Variants in WWC2 observed in about 807,000 individuals in gnomAD.
WWC2 encodes the protein protein WWC2.
Under a neutral mutation model 138.5 loss-of-function variants are expected in WWC2, and 101 were observed. The observed-to-expected ratio is 0.73, with a 90% CI of 0.62 to 0.86. The LOEUF is 0.86. WWC2 is among the 40% of genes least tolerant of loss of function. WWC2 has a pLI of 0.00. For missense variants in WWC2, 1,420 were observed against 1,419.4 expected, an observed-to-expected ratio of 1.00 and a Z score of -0.01; for synonymous variants, 558 against 538.4, an observed-to-expected ratio of 1.04 and a Z score of -0.50.
intron 1 of WWC2, among the ~76,000 whole-genome samples, chr4:183,188,600 CTCTCTCTA>C (rs1038160387): frequency 6.7e-6 from 1 of 149,488 alleles, no homozygotes; most frequent in African/African-American, 2.5e-5. Flanking sequence ...TATGATCTCT[CTCTCTCTA>C]TCTAATATGA....
rs1363743993 is a variant in WWC2, at chr4:183,260,956, T to C, written c.1333T>C (p.Ser445Pro). Reference sequence around the variant, plus strand: ...CATGTCATCTGGGAGCAGCCTGGGTTCCCTGGCATCGAGTCGGGGCTCTCT... The same window carrying C: ...CATGTCATCTGGGAGCAGCCTGGGTCCCCTGGCATCGAGTCGGGGCTCTCT... ...LSMSSGSSLG[S>P]LASSRGSLNT... Residue 445 changes from serine to proline, a missense_variant, in exon 11 of 23, where the codon TCC (serine) becomes CCC (proline). Physicochemically the swap from Ser to Pro is moderately conservative, Grantham distance 74. Coordinates refer to ENST00000403733, the MANE Select transcript of WWC2 (RefSeq NM_024949.6). 2.5e-6 allele frequency: 4 copies of C among 1,613,806 alleles called. No individual in the cohort carries two copies. The highest frequency in any genetic ancestry group is 3.4e-6 in the Non-Finnish European group (4 of 1,179,866).
At chr4:183,138,358 CA>C (rs1733186096) in intron 1 of WWC2, among the ~76,000 whole-genome samples, 1 of 151,958 alleles carries the variant, frequency 6.6e-6, no homozygotes. Context: ...TCACTTTGGT[CA>C]AACTCTTGAG....
intron 1 of WWC2, among the ~76,000 whole-genome samples, chr4:183,163,124 A>G (rs978937331): frequency 6.6e-6 from 1 of 152,228 alleles, no homozygotes; most frequent in Non-Finnish European, 1.5e-5. Flanking sequence ...AAAAACTGGA[A>G]CTATTAAAAA....
Position 183,099,433 on chromosome 4 carries a change from C to T in WWC2, c.-59C>T, listed in dbSNP as rs1743083954. The T allele has an allele frequency of 1.0e-5, 12 of 1,197,708 alleles. No homozygotes were observed. The highest frequency in any genetic ancestry group is 7.5e-5 in the East Asian group (2 of 26,692). The allele number at this position is 1,197,708 out of a possible 1,614,324, so 74.2% of individuals were successfully genotyped here. A position where few individuals can be genotyped will look rare whatever the true frequency, so the allele number is the denominator to read the frequency against. On this transcript the variant is annotated 5_prime_UTR_variant, in exon 1 of 23. Transcript: ENST00000403733. ...GCAGCCTAGCCCGGCAGCCGCGTTC[C>T]CGCCGCGTCCCGCGCCCGGTACCTA...
chr4:183,192,497 C>T (rs987160599), intron 1 of WWC2, among the ~76,000 whole-genome samples: 16 of 152,168 alleles, frequency 1.1e-4, no homozygotes, highest in African/African-American at 3.9e-4. Flanking sequence ...TTCCTTTCAT[C>T]TACTGGTGTT....
chr4:183,279,135 T>G (rs1737976294), intron 16 of WWC2, among the ~76,000 whole-genome samples: 2 of 152,140 alleles, frequency 1.3e-5, no homozygotes, highest in Admixed American at 6.5e-5. Flanking sequence ...TAGCTCTTAT[T>G]TTGAAATATG....
intron 9 of WWC2, among the ~76,000 whole-genome samples, chr4:183,257,007 C>T (rs886570184): frequency 6.6e-6 from 1 of 150,938 alleles, no homozygotes; most frequent in Non-Finnish European, 1.5e-5. Context: ...CATGGTGAAG[C>T]ATTGCCAGGC....
At chr4:183,194,728 A>C (rs1258041985) in intron 2 of WWC2, among the ~76,000 whole-genome samples, 1 of 152,220 alleles carries the variant, frequency 6.6e-6, no homozygotes, top group Admixed American at 6.5e-5. Context: ...ACCATCTTCC[A>C]GGCGGGTGAG....
chr4:183,306,716 G>A (rs923634687), intron 21 of WWC2, among the ~76,000 whole-genome samples: 1 of 151,836 alleles, frequency 6.6e-6, no homozygotes, highest in Non-Finnish European at 1.5e-5. Context: ...TAGTAGAGAC[G>A]GGGTTTTGCC....
intron 21 of WWC2, among the ~76,000 whole-genome samples, chr4:183,303,033 C>T (rs1223789511): frequency 6.9e-6 from 1 of 144,952 alleles, no homozygotes; most frequent in Non-Finnish European, 1.5e-5. Flanking sequence ...TGCACTCCAG[C>T]CTGGGTGACA....
intron 1 of WWC2, among the ~76,000 whole-genome samples, chr4:183,135,162 A>C (rs1242937084): frequency 6.6e-6 from 1 of 151,940 alleles, no homozygotes; most frequent in African/African-American, 2.4e-5. Context: ...CAGGTGATCC[A>C]CCCACCTAGA....
At position 183,099,615 on chromosome 4, in the gene WWC2, C is replaced by G. The variant is rs1453270147; in HGVS notation, c.124C>G (p.Arg42Gly). The change falls in exon 1 of 23, where the codon CGG becomes GGG. Residue 42 changes from arginine (R) to glycine (G), a missense_variant. Transcript: ENST00000403733. ...NTRRTSWIDPRDRLTKPLSFA... is the reference protein window; with the variant it reads ...NTRRTSWIDPGDRLTKPLSFA... ...CAGGAGGACCAGCTGGATCGACCCCCGGGACAGGTGGGCGCCGGCCGCGGG... is the reference window on the plus strand; with the variant it reads ...CAGGAGGACCAGCTGGATCGACCCCGGGGACAGGTGGGCGCCGGCCGCGGG... 1.2e-5 allele frequency: 16 copies of G among 1,360,504 alleles called. No individual in the cohort carries two copies. The highest frequency in any genetic ancestry group is 2.6e-5 in the Admixed American group (1 of 39,138). 84.3% of individuals were successfully genotyped at this position (1,360,504 alleles called of 1,614,324 possible).
chr4:183,288,735 G>A (rs1444676383), intron 20 of WWC2, among the ~76,000 whole-genome samples: 1 of 152,212 alleles, frequency 6.6e-6, no homozygotes, highest in Non-Finnish European at 1.5e-5. Flanking sequence ...CCCCTGGGAA[G>A]AGCCATGGTG....
intron 21 of WWC2, among the ~76,000 whole-genome samples, chr4:183,292,228 A>G (rs1437035966): frequency 1.3e-5 from 2 of 151,998 alleles, no homozygotes; most frequent in South Asian, 2.1e-4. Flanking sequence ...TAAATAAATA[A>G]TAAATGCATA....
chr4:183,127,596 T>C (rs180809228), intron 1 of WWC2, among the ~76,000 whole-genome samples: 28 of 152,276 alleles, frequency 1.8e-4, no homozygotes, highest in Non-Finnish European at 3.2e-4. Flanking sequence ...TTAATTATAG[T>C]GCATTATATT....
At chr4:183,166,510 C>G (rs1734134601) in intron 1 of WWC2, among the ~76,000 whole-genome samples, 1 of 152,144 alleles carries the variant, frequency 6.6e-6, no homozygotes, top group Admixed American at 6.5e-5. Flanking sequence ...TATTTTTTGC[C>G]TATAAAGGAG....
At chr4:183,266,888 T>A (rs1737520836) in intron 14 of WWC2, among the ~76,000 whole-genome samples, 1 of 151,950 alleles carries the variant, frequency 6.6e-6, no homozygotes, top group Non-Finnish European at 1.5e-5. Flanking sequence ...AATTAAAGAG[T>A]TCTGCATGTT....
At chr4:183,256,386 T>G (rs1015264005) in intron 9 of WWC2, among the ~76,000 whole-genome samples, 9 of 152,194 alleles carry the variant, frequency 5.9e-5, no homozygotes, top group Non-Finnish European at 8.8e-5. Flanking sequence ...AGATACAACC[T>G]CGTCTGGCTT....
At chr4:183,152,793 G>A (rs952340259) in intron 1 of WWC2, among the ~76,000 whole-genome samples, 1 of 151,742 alleles carries the variant, frequency 6.6e-6, no homozygotes, top group African/African-American at 2.4e-5. Context: ...TGAGGCAGGA[G>A]AATCGCTTGA....
Sources: gnomAD v4.1 joint callset for allele counts (sites outside exome capture counted in the v4.1 genomes callset) on GRCh38, gnomAD v4.1.1 for gene constraint, MANE v1.5 for transcripts, NCBI Gene and HGNC (gene_info 2026-07-23, HGNC 2026-07-21) for gene names.